The following KRAS variants were observed in gnomAD, a reference collection of about 807,000 sequenced individuals.
The protein encoded by KRAS is KRas proto-oncogene, GTPase.
KRAS carries 1 observed loss-of-function variant against 21.0 expected under a neutral mutation model. The observed-to-expected ratio is 0.05, with a 90% confidence interval of 0.02 to 0.23. The LOEUF (loss-of-function observed/expected upper bound fraction) is 0.23, where lower values mean the gene tolerates loss of function less well. Among genes scored for constraint, KRAS ranks in the 10% least tolerant of loss-of-function variants. The pLI, the probability that KRAS is intolerant of heterozygous loss-of-function variation, is 1.00. For synonymous variants in KRAS, 67 were observed against 72.5 expected (o/e 0.92, Z 0.39); for missense variants, 107 against 221.8 (o/e 0.48, Z 3.29).
chr12:25,236,408 G>A (rs1489605402), intron 2 of KRAS, among the ~76,000 whole-genome samples: 1 of 152,126 alleles, frequency 6.6e-6, no homozygotes, highest in East Asian at 1.9e-4. Context: ...TCAGCGACAA[G>A]GGGCCCCTCC....
At position 25,209,823 on chromosome 12, in the gene KRAS, T is replaced by C; in HGVS notation, c.539A>G (p.Lys180Arg). 6.2e-7 allele frequency: 1 copy of C among 1,609,438 alleles called. No individual in the cohort carries two copies. Among genetic ancestry groups the C allele is most frequent in the Non-Finnish European group, 8.5e-7 (1 of 1,176,506 alleles). ...MSKDGKKKKK[K>R]SKTKCVIM ...CATAATTACACACTTTGTCTTTGAC[T>C]TCTTTTTCTTCTTTTTACCATCTTT... The change falls in exon 5 of 5, where the codon AAG becomes AGG. Residue 180 changes from lysine (K) to arginine (R), a missense_variant. Lys to Arg is a conservative substitution (Grantham distance 26). Transcript: ENST00000311936.
At chr12:25,212,273 G>A (rs1276872127) in intron 4 of KRAS, among the ~76,000 whole-genome samples, 2 of 152,134 alleles carry the variant, frequency 1.3e-5, no homozygotes, top group Non-Finnish European at 2.9e-5. Flanking sequence ...GTACTAAAAT[G>A]GTAAAGCAGA....
At chr12:25,235,441 C>T (rs1446588268) in intron 2 of KRAS, among the ~76,000 whole-genome samples, 1 of 152,274 alleles carries the variant, frequency 6.6e-6, no homozygotes, top group East Asian at 1.9e-4. Context: ...TTCCCATCTA[C>T]CCACATCAGT....
chr12:25,208,291 G>C lies in KRAS; in HGVS notation c.*1504C>G, dbSNP rs1951162996. 1.7e-5 allele frequency: 4 copies of C among 233,026 alleles called. No individual in the cohort carries two copies. In the Admixed American group the frequency reaches 2.3e-4, roughly 13 times the overall value. 14.4% of individuals were successfully genotyped at this position (233,026 alleles called of 1,614,324 possible). On this transcript the variant is annotated 3_prime_UTR_variant, in exon 5 of 5. Coordinates refer to ENST00000311936, the MANE Select transcript of KRAS (RefSeq NM_004985.5). ...TAGAACCTAAGTCACCTTCTTCCTA[G>C]TCCAGTGATACTTTCACCTCACCAT...
At chr12:25,210,222 C>G (rs574501945) in intron 4 of KRAS, among the ~76,000 whole-genome samples, 1 of 152,238 alleles carries the variant, frequency 6.6e-6, no homozygotes, top group African/African-American at 2.4e-5. Context: ...TCCACATTGG[C>G]AAACCTAAGT....
chr12:25,240,312 A>G (rs777928910), intron 2 of KRAS, among the ~76,000 whole-genome samples: 2 of 152,216 alleles, frequency 1.3e-5, no homozygotes, highest in Non-Finnish European at 2.9e-5. Context: ...GATTGCCTAG[A>G]AACACTGCTC....
intron 2 of KRAS, among the ~76,000 whole-genome samples, chr12:25,240,141 G>C (rs1017310235): frequency 9.9e-5 from 15 of 152,078 alleles, no homozygotes; most frequent in Non-Finnish European, 1.8e-4. Flanking sequence ...ACAGGCATGA[G>C]CCACCATATC....
intron 2 of KRAS, among the ~76,000 whole-genome samples, chr12:25,228,631 T>C (rs758567071): frequency 5.3e-5 from 8 of 152,094 alleles, no homozygotes; most frequent in Non-Finnish European, 1.2e-4. Flanking sequence ...CTGGGGACTA[T>C]TTGACAGGTA....
At chr12:25,237,743 G>C (rs1273759910) in intron 2 of KRAS, among the ~76,000 whole-genome samples, 2 of 152,150 alleles carry the variant, frequency 1.3e-5, no homozygotes, top group Non-Finnish European at 2.9e-5. Flanking sequence ...TAATATTAAA[G>C]ACCATGAAAA....
chr12:25,237,140 C>T (rs1285163928), intron 2 of KRAS, among the ~76,000 whole-genome samples: 3 of 152,180 alleles, frequency 2.0e-5, no homozygotes, highest in South Asian at 2.1e-4. Context: ...GGATGCCAGA[C>T]ACAAAAGGCC....
At position 25,206,317 on chromosome 12, in the gene KRAS, CA is replaced by C; in HGVS notation, c.*3477del. The C allele has an allele frequency of 4.8e-6, 1 of 207,232 alleles. No individual in the cohort carries two copies. The highest frequency in any genetic ancestry group is 9.8e-6 in the Non-Finnish European group (1 of 101,572). The allele number at this position is 207,232 out of a possible 1,614,324, so 12.8% of individuals were successfully genotyped here. A position where few individuals can be genotyped will look rare whatever the true frequency, so the allele number is the denominator to read the frequency against. On this transcript the variant is annotated 3_prime_UTR_variant, in exon 5 of 5. Coordinates refer to ENST00000311936, the MANE Select transcript of KRAS (RefSeq NM_004985.5). ...GAATGCCTACTTGGGAACATTCACT[CA>C]AATGATACAATATACGTCTGCTATA...
At chr12:25,244,362 C>T (rs748302531) in intron 2 of KRAS, among the ~76,000 whole-genome samples, 10 of 152,068 alleles carry the variant, frequency 6.6e-5, no homozygotes, top group African/African-American at 1.9e-4. Context: ...AAAGACAAGG[C>T]GATATGCTTA....
At position 25,207,567 on chromosome 12, in the gene KRAS, T is replaced by C. The variant is rs1565877810; in HGVS notation, c.*2228A>G. 1 of 226,832 alleles carries C rather than the reference T, an allele frequency of 4.4e-6. No individual in the cohort carries two copies. The highest frequency in any genetic ancestry group is 6.4e-5 in the East Asian group (1 of 15,704). 14.1% of individuals were successfully genotyped at this position (226,832 alleles called of 1,614,324 possible). A position where few individuals can be genotyped will look rare whatever the true frequency, so the allele number is the denominator to read the frequency against. On this transcript the variant is annotated 3_prime_UTR_variant, in exon 5 of 5. Transcript: ENST00000311936. ...TAAAGTATTTTTCATTGCATGAAGA[T>C]TTCTGGTTACTAAAACAATGGAATG...
At chr12:25,237,177 A>C (rs1047902669) in intron 2 of KRAS, among the ~76,000 whole-genome samples, 2 of 152,210 alleles carry the variant, frequency 1.3e-5, no homozygotes, top group African/African-American at 4.8e-5. Context: ...CTTTATATGA[A>C]ATAATCAGAG....
At chr12:25,248,607 G>GA (rs543111248) in intron 1 of KRAS, among the ~76,000 whole-genome samples, 41,590 of 148,042 alleles carry the variant, frequency 0.28, 5,874 homozygotes, top group African/African-American at 0.33. Flanking sequence ...GTTGTTTCCA[G>GA]AAAAAAAAAA....
At position 25,208,431 on chromosome 12, in the gene KRAS, T is replaced by C. The variant is rs759586714; in HGVS notation, c.*1364A>G. ...ATGGATCAGACTTGAAAAGTGTTTA[T>C]GCAATGTTAATTTAACCAGTGTTAA... On this transcript the variant is annotated 3_prime_UTR_variant, in exon 5 of 5. Transcript: ENST00000311936. 5.6e-5 allele frequency: 13 copies of C among 233,170 alleles called. No individual in the cohort carries two copies. The highest frequency in any genetic ancestry group is 9.3e-5 in the Non-Finnish European group (11 of 117,860). 14.4% of individuals were successfully genotyped at this position (233,170 alleles called of 1,614,324 possible). A position where few individuals can be genotyped will look rare whatever the true frequency, so the allele number is the denominator to read the frequency against.
intron 3 of KRAS, among the ~76,000 whole-genome samples, chr12:25,226,496 A>G (rs1951393624): frequency 6.6e-6 from 1 of 151,280 alleles, no homozygotes; most frequent in South Asian, 2.1e-4. Flanking sequence ...CTCTATAAAA[A>G]TACTACCACT....
intron 2 of KRAS, among the ~76,000 whole-genome samples, chr12:25,244,923 A>C (rs182883950): frequency 7.2e-5 from 11 of 152,324 alleles, no homozygotes; most frequent in African/African-American, 2.6e-4. Context: ...TCTAACCTTT[A>C]CATATGATGT....
At chr12:25,246,017 G>A (rs1182856324) in intron 1 of KRAS, among the ~76,000 whole-genome samples, 2 of 152,038 alleles carry the variant, frequency 1.3e-5, no homozygotes, top group Non-Finnish European at 2.9e-5. Context: ...AAACACTGAG[G>A]CAAAGAAGAA....
Sources: gnomAD v4.1 joint callset for allele counts (sites outside exome capture counted in the v4.1 genomes callset) on GRCh38, gnomAD v4.1.1 for gene constraint, MANE v1.5 for transcripts, NCBI Gene and HGNC (gene_info 2026-07-23, HGNC 2026-07-21) for gene names.